The following KLHL1 variants were observed in gnomAD, a reference collection of about 807,000 sequenced individuals.
KLHL1 encodes the protein kelch-like protein 1.
A neutral mutation model predicts 77.7 loss-of-function variants in KLHL1; 47 were observed. The observed-to-expected ratio is 0.60, with a 90% CI of 0.48 to 0.77. The LOEUF (loss-of-function observed/expected upper bound fraction) is 0.77, where lower values mean the gene tolerates loss of function less well. Ranked by LOEUF, KLHL1 falls within the 30% of genes least tolerant of loss-of-function variation. The probability of loss-of-function intolerance (pLI) is 0.00; values close to 1 mark genes in which losing one functional copy is unlikely to be tolerated. For missense variants in KLHL1, 925 were observed against 910.8 expected (o/e 1.02, Z -0.20); for synonymous variants, 360 against 325.2 (o/e 1.11, Z -1.15).
chr13:69,942,474 G>A (rs1593971888), intron 3 of KLHL1, among the ~76,000 whole-genome samples: 2 of 151,936 alleles, frequency 1.3e-5, no homozygotes, highest in East Asian at 1.9e-4. Context: ...ATCATGAATA[G>A]TTTTATGACA....
At chr13:69,770,510 A>AT (rs915908257) in intron 7 of KLHL1, among the ~76,000 whole-genome samples, 1 of 152,108 alleles carries the variant, frequency 6.6e-6, no homozygotes, top group Non-Finnish European at 1.5e-5. Flanking sequence ...TATTTTTTAA[A>AT]TTTTTTTGTT....
At chr13:70,023,241 A>G (rs1359559600) in intron 1 of KLHL1, among the ~76,000 whole-genome samples, 2 of 151,874 alleles carry the variant, frequency 1.3e-5, no homozygotes, top group Non-Finnish European at 2.9e-5. Flanking sequence ...ACCGATCACT[A>G]TATTATCAAA....
chr13:69,947,885 G>T (rs1883580835), intron 3 of KLHL1, among the ~76,000 whole-genome samples: 2 of 152,170 alleles, frequency 1.3e-5, no homozygotes, highest in Admixed American at 6.5e-5. Context: ...CATGAAAACT[G>T]CTAATGGAAA....
rs1883850684 is a variant in KLHL1, at chr13:69,955,895, T to A, written c.817+5413A>T. Among the ~76,000 whole-genome samples the A allele has an allele frequency of 3.7e-5, 5 of 135,872 alleles. No individual in the cohort carries two copies. In the South Asian group the frequency reaches 1.1e-3, roughly 29 times the overall value. 89.1% of individuals were successfully genotyped at this position (135,872 alleles called of 152,430 possible). ...TATATATATTTATATATATATTTGATATATTTATATATATTTGATATATAT... is the reference window on the plus strand; with the variant it reads ...TATATATATTTATATATATATTTGAAATATTTATATATATTTGATATATAT... On this transcript the variant is annotated intron_variant, in intron 3 of 10. Transcript: ENST00000377844.
At chr13:69,768,905 A>T (rs1246412083) in intron 7 of KLHL1, among the ~76,000 whole-genome samples, 2 of 152,130 alleles carry the variant, frequency 1.3e-5, no homozygotes, top group Non-Finnish European at 2.9e-5. Context: ...TAATGTTTCG[A>T]TTTATGATTT....
intron 1 of KLHL1, among the ~76,000 whole-genome samples, chr13:69,981,549 A>G (rs1428698745): frequency 6.6e-6 from 1 of 152,062 alleles, no homozygotes; most frequent in Non-Finnish European, 1.5e-5. Flanking sequence ...AAATTTAACT[A>G]TTTGTTTGAG....
rs941390272 is a variant in KLHL1, at chr13:69,861,953, G to A, written c.1227+20330C>T. Among the ~76,000 whole-genome samples the A allele has an allele frequency of 6.7e-5, 9 of 134,740 alleles. No individual in the cohort carries two copies. The East Asian group carries it at 8.3e-4, about 12-fold the overall frequency. 88.4% of individuals were successfully genotyped at this position (134,740 alleles called of 152,430 possible). On this transcript the variant is annotated intron_variant, in intron 5 of 10. Transcript: ENST00000377844. ...GCACTCCAGCCTGAGCAACAAGAGC[G>A]AAACTCCGTCTCAAAATAAAATAAA...
chr13:70,083,676 GA>G (rs754281741), intron 1 of KLHL1, among the ~76,000 whole-genome samples: 4 of 152,056 alleles, frequency 2.6e-5, no homozygotes, highest in Non-Finnish European at 5.9e-5. Flanking sequence ...ATTAAGCATA[GA>G]AAATTTGATA....
chr13:70,076,149 G>A (rs1046478712), intron 1 of KLHL1, among the ~76,000 whole-genome samples: 1 of 151,800 alleles, frequency 6.6e-6, no homozygotes, highest in African/African-American at 2.4e-5. Flanking sequence ...AAGTTTATAT[G>A]GAACTGCAAA....
chr13:70,058,716 A>C (rs1334479060), intron 1 of KLHL1, among the ~76,000 whole-genome samples: 1 of 152,188 alleles, frequency 6.6e-6, no homozygotes, highest in African/African-American at 2.4e-5. Flanking sequence ...ATAATCCTAA[A>C]ATTTTTATGG....
At chr13:69,788,526 T>G (rs1876684195) in intron 7 of KLHL1, among the ~76,000 whole-genome samples, 2 of 150,408 alleles carry the variant, frequency 1.3e-5, no homozygotes, top group South Asian at 2.1e-4. Context: ...TCAGGGGAGG[T>G]GGGAGGGATA....
chr13:69,991,687 A>C (rs1457181470), intron 1 of KLHL1, among the ~76,000 whole-genome samples: 1 of 150,704 alleles, frequency 6.6e-6, no homozygotes, highest in Non-Finnish European at 1.5e-5. Context: ...AAAAAAAAAA[A>C]GCCTGGGACC....
chr13:69,855,672 C>T (rs1879881752), intron 5 of KLHL1, among the ~76,000 whole-genome samples: 1 of 151,548 alleles, frequency 6.6e-6, no homozygotes, highest in African/African-American at 2.4e-5. Flanking sequence ...AAGGTCCCTG[C>T]TTCCCCTTCC....
intron 5 of KLHL1, among the ~76,000 whole-genome samples, chr13:69,843,930 G>A (rs1005781004): frequency 6.6e-6 from 1 of 151,374 alleles, no homozygotes. Context: ...CATTTACTTG[G>A]ACAACTTTAA....
chr13:69,709,661 C>CATT (rs1555299634), intron 9 of KLHL1, among the ~76,000 whole-genome samples: 3 of 151,570 alleles, frequency 2.0e-5, no homozygotes, highest in African/African-American at 7.3e-5. Flanking sequence ...AAAATAAAGT[C>CATT]ATTATTTTTG....
chr13:70,053,123 G>A (rs1026040355), intron 1 of KLHL1, among the ~76,000 whole-genome samples: 1 of 151,964 alleles, frequency 6.6e-6, no homozygotes, highest in African/African-American at 2.4e-5. Flanking sequence ...TGTAAATGGT[G>A]AAATTTAAGT....
chr13:70,015,497 A>T (rs1249958649), intron 1 of KLHL1, among the ~76,000 whole-genome samples: 3 of 152,168 alleles, frequency 2.0e-5, no homozygotes, highest in African/African-American at 7.2e-5. Context: ...TTGAGTTAAA[A>T]TTTTTCAATT....
At chr13:69,871,412 T>G (rs1162250683) in intron 5 of KLHL1, among the ~76,000 whole-genome samples, 2 of 152,168 alleles carry the variant, frequency 1.3e-5, no homozygotes, top group Non-Finnish European at 2.9e-5. Flanking sequence ...TGGATCCCCT[T>G]TAGTCACGCT....
intron 6 of KLHL1, among the ~76,000 whole-genome samples, chr13:69,818,674 T>C (rs568776605): frequency 3.9e-5 from 6 of 152,296 alleles, no homozygotes; most frequent in African/African-American, 1.4e-4. Context: ...TCTTTGTGTG[T>C]GAAATGGAAC....
Sources: allele counts gnomAD v4.1 joint callset (sites outside exome capture counted in the v4.1 genomes callset), GRCh38; gene constraint gnomAD v4.1.1; transcripts MANE v1.5; gene names NCBI Gene and HGNC (gene_info 2026-07-23, HGNC 2026-07-21).